The following AKAP6 variants were observed in gnomAD, a reference collection of about 807,000 sequenced individuals.
AKAP6 encodes the protein A-kinase anchor protein 6.
In AKAP6, 58 loss-of-function variants were observed where a neutral mutation model predicts 188.5. The ratio of observed to expected loss-of-function variants is 0.31; its 90% CI spans 0.25 to 0.38. The LOEUF (loss-of-function observed/expected upper bound fraction) is 0.38. AKAP6 is among the 10% of genes least tolerant of loss of function. The pLI is 1.00. For synonymous variants in AKAP6, 989 were observed against 998.6 expected, an observed-to-expected ratio of 0.99 and a Z score of 0.18; for missense variants, 2,710 against 2,740.0, an observed-to-expected ratio of 0.99 and a Z score of 0.24.
At chr14:32,429,352 GGAAA>G (rs1434273770) in intron 1 of AKAP6, among the ~76,000 whole-genome samples, 1 of 152,012 alleles carries the variant, frequency 6.6e-6, no homozygotes, top group Non-Finnish European at 1.5e-5. Flanking sequence ...TAGTTTGATG[GGAAA>G]GAAACTTGAA....
intron 5 of AKAP6, 83 bp from the exon 6 acceptor site, chr14:32,599,327 A>G: frequency 8.5e-7 from 1 of 1,177,326 alleles, no homozygotes; most frequent in South Asian, 1.4e-5. Context: ...GTGGTTCTTG[A>G]TAAAAAGTAG....
At chr14:32,776,380 C>T (rs554318079) in intron 12 of AKAP6, among the ~76,000 whole-genome samples, 136 of 152,286 alleles carry the variant, frequency 8.9e-4, no homozygotes, top group African/African-American at 3.1e-3. Flanking sequence ...ACTTGGTTGT[C>T]ATTCTCTCTT....
chr14:32,475,678 CTTTTTTTTT>C (rs11156748), intron 2 of AKAP6, among the ~76,000 whole-genome samples: 1 of 123,654 alleles, frequency 8.1e-6, no homozygotes, highest in Non-Finnish European at 1.6e-5. Flanking sequence ...ATTTTCAGCT[CTTTTTTTTT>C]TTTTTTTTTG....
intron 1 of AKAP6, among the ~76,000 whole-genome samples, chr14:32,406,558 T>G (rs1566486583): frequency 6.6e-6 from 1 of 152,126 alleles, no homozygotes; most frequent in African/African-American, 2.4e-5. Flanking sequence ...AATTGGAGGC[T>G]TATATGTTGT....
intron 2 of AKAP6, among the ~76,000 whole-genome samples, chr14:32,529,434 T>G (rs1882293790): frequency 6.6e-6 from 1 of 152,198 alleles, no homozygotes; most frequent in Non-Finnish European, 1.5e-5. Flanking sequence ...CAGTTTCATT[T>G]CTTCCTTCCA....
At chr14:32,429,287 A>G (rs976731036) in intron 1 of AKAP6, among the ~76,000 whole-genome samples, 3 of 152,250 alleles carry the variant, frequency 2.0e-5, no homozygotes, top group African/African-American at 7.2e-5. Context: ...TATTATTTAC[A>G]GATATAGACT....
chr14:32,724,332 A>G (rs2030729440), intron 9 of AKAP6, among the ~76,000 whole-genome samples: 1 of 152,176 alleles, frequency 6.6e-6, no homozygotes, highest in East Asian at 1.9e-4. Context: ...TGGTTGTTCA[A>G]CAGGTATTCA....
chr14:32,406,733 T>C (rs564316191), intron 1 of AKAP6, among the ~76,000 whole-genome samples: 13 of 151,896 alleles, frequency 8.6e-5, no homozygotes, highest in Non-Finnish European at 1.5e-4. Context: ...AGAAAGAGAG[T>C]GAATCTAGGG....
At chr14:32,482,349 A>G (rs1323606042) in intron 2 of AKAP6, among the ~76,000 whole-genome samples, 1 of 152,156 alleles carries the variant, frequency 6.6e-6, no homozygotes, top group Non-Finnish European at 1.5e-5. Flanking sequence ...CTCTAAATAT[A>G]TTAAGACTAG....
intron 2 of AKAP6, 61 bp from the exon 3 acceptor site, chr14:32,535,493 C>A: frequency 6.4e-7 from 1 of 1,555,202 alleles, no homozygotes; most frequent in Non-Finnish European, 8.7e-7. Context: ...TTCTACTACC[C>A]TCACCTCCCT....
intron 10 of AKAP6, 57 bp from the exon 11 acceptor site, chr14:32,735,601 G>A (rs907284901): frequency 7.9e-5 from 105 of 1,330,394 alleles, no homozygotes; most frequent in African/African-American, 5.3e-4. Context: ...TTTGTTGTTC[G>A]TGGGGTTTTT....
chr14:32,632,858 A>G (rs1887333769), intron 7 of AKAP6, among the ~76,000 whole-genome samples: 1 of 152,068 alleles, frequency 6.6e-6, no homozygotes, highest in South Asian at 2.1e-4. Context: ...TCATTTGCAT[A>G]TTTGGGGGTA....
chr14:32,779,503 C>G (rs995743066), intron 12 of AKAP6, among the ~76,000 whole-genome samples: 1 of 149,944 alleles, frequency 6.7e-6, no homozygotes, highest in African/African-American at 2.5e-5. Context: ...TAAGCTAACA[C>G]AAACAGAGTT....
At chr14:32,615,593 T>G (rs1351807115) in intron 7 of AKAP6, among the ~76,000 whole-genome samples, 1 of 121,930 alleles carries the variant, frequency 8.2e-6, no homozygotes, top group Non-Finnish European at 1.8e-5. Context: ...AACCATTACT[T>G]TTTTTTTTTT....
At chr14:32,739,205 T>C (rs1594897399) in intron 11 of AKAP6, among the ~76,000 whole-genome samples, 1 of 152,226 alleles carries the variant, frequency 6.6e-6, no homozygotes, top group East Asian at 1.9e-4. Context: ...TGATCTGCTA[T>C]TTATATTTTA....
chr14:32,456,537 TGAC>T (rs1220789969), intron 2 of AKAP6, among the ~76,000 whole-genome samples: 1 of 152,268 alleles, frequency 6.6e-6, no homozygotes, highest in African/African-American at 2.4e-5. Flanking sequence ...ATTTAGCTGA[TGAC>T]AAGTCTTTTA....
At chr14:32,669,010 T>G (rs369008839) in intron 7 of AKAP6, among the ~76,000 whole-genome samples, 3 of 152,318 alleles carry the variant, frequency 2.0e-5, no homozygotes, top group East Asian at 3.9e-4. Context: ...AGTAAGTCTT[T>G]CTTTGGCAAT....
At chr14:32,594,335 A>T (rs561393816) in intron 5 of AKAP6, among the ~76,000 whole-genome samples, 26 of 152,216 alleles carry the variant, frequency 1.7e-4, no homozygotes, top group Non-Finnish European at 3.5e-4. Context: ...TTACTTACAT[A>T]TATGTAATTT....
chr14:32,797,966 G>A (rs982094007), intron 12 of AKAP6, among the ~76,000 whole-genome samples: 1 of 143,918 alleles, frequency 6.9e-6, no homozygotes, highest in Admixed American at 6.9e-5. Context: ...ACAACCTACA[G>A]AATTGGAGAA....
Sources: gnomAD v4.1 joint callset for allele counts (sites outside exome capture counted in the v4.1 genomes callset) on GRCh38, gnomAD v4.1.1 for gene constraint, MANE v1.5 for transcripts, NCBI Gene and HGNC (gene_info 2026-07-23, HGNC 2026-07-21) for gene names.